GPHN: variants seen among roughly 807,000 people sequenced by gnomAD.
GPHN encodes the protein gephyrin.
GPHN carries 17 observed loss-of-function variants against 95.5 expected under a neutral mutation model. The observed-to-expected ratio is 0.18, with a 90% CI of 0.12 to 0.27. The LOEUF (loss-of-function observed/expected upper bound fraction) is 0.27, where lower values mean the gene tolerates loss of function less well. Among genes scored for constraint, GPHN ranks in the 10% least tolerant of loss-of-function variants. GPHN has a pLI of 1.00. For missense variants in GPHN, 660 were observed against 978.1 expected (o/e 0.67, Z 4.34); for synonymous variants, 320 against 322.5 (o/e 0.99, Z 0.08).
At chr14:66,658,179 ATAGAAT>A (rs1259557571) in intron 1 of GPHN, among the ~76,000 whole-genome samples, 3 of 152,148 alleles carry the variant, frequency 2.0e-5, no homozygotes, top group African/African-American at 7.2e-5. Flanking sequence ...AGCAAGAGAA[ATAGAAT>A]TAGAAGGAGA....
At chr14:67,443,188 T>C in the GPHN span, among the ~76,000 whole-genome samples, 7 of 151,840 alleles carry the variant, frequency 4.6e-5, no homozygotes, top group African/African-American at 1.5e-4. Context: ...GCCACTGCAC[T>C]CCAGCCTGGG....
chr14:67,715,604 T>C, the GPHN span, among the ~76,000 whole-genome samples: 147,750 of 152,292 alleles, frequency 0.97, 71,804 homozygotes, highest in South Asian at 1. Flanking sequence ...AATCCCTTAG[T>C]TTCATTTCTA....
chr14:66,865,048 G>A (rs1435330370), intron 4 of GPHN, among the ~76,000 whole-genome samples: 3 of 152,072 alleles, frequency 2.0e-5, no homozygotes, highest in Non-Finnish European at 2.9e-5. Context: ...TCATTTGTGT[G>A]AGCTAAAAAT....
At chr14:66,606,373 C>G (rs549228779) in intron 1 of GPHN, among the ~76,000 whole-genome samples, 1 of 152,118 alleles carries the variant, frequency 6.6e-6, no homozygotes, top group African/African-American at 2.4e-5. Context: ...GTACCAGTCC[C>G]GTGCTATTTT....
chr14:66,964,326 A>G (rs890600690), intron 8 of GPHN, among the ~76,000 whole-genome samples: 1 of 151,494 alleles, frequency 6.6e-6, no homozygotes, highest in African/African-American at 2.5e-5. Context: ...CCAGTGAAGC[A>G]GATTCTATTG....
chr14:67,577,548 C>T, the GPHN span: 3 of 633,920 alleles, frequency 4.7e-6, no homozygotes, highest in Non-Finnish European at 8.4e-6. Flanking sequence ...GTCCCTATCA[C>T]TTCCTGGATG....
the GPHN span, among the ~76,000 whole-genome samples, chr14:67,367,715 A>G: frequency 6.7e-6 from 1 of 150,028 alleles, no homozygotes; most frequent in Non-Finnish European, 1.5e-5. Flanking sequence ...TGCACCCTGT[A>G]GTCCCAGCTT....
intron 5 of GPHN, among the ~76,000 whole-genome samples, chr14:66,896,571 C>T (rs1197587812): frequency 6.6e-6 from 1 of 152,064 alleles, no homozygotes; most frequent in Non-Finnish European, 1.5e-5. Context: ...ATGGTTGTGC[C>T]ACTGCACTCG....
intron 10 of GPHN, among the ~76,000 whole-genome samples, chr14:67,038,108 A>G (rs1413615529): frequency 1.3e-5 from 2 of 152,078 alleles, no homozygotes; most frequent in African/African-American, 2.4e-5. Context: ...TATACAATGA[A>G]ATATTATTGA....
chr14:66,785,430 C>A (rs8016578), intron 3 of GPHN, among the ~76,000 whole-genome samples: 1,651 of 151,842 alleles, frequency 0.011, 24 homozygotes, highest in African/African-American at 0.037. Flanking sequence ...TAATATCAGA[C>A]CAAGTAGACT....
intron 3 of GPHN, among the ~76,000 whole-genome samples, chr14:66,791,222 A>C (rs1485550362): frequency 6.6e-6 from 1 of 152,144 alleles, no homozygotes; most frequent in East Asian, 1.9e-4. Context: ...AAGTCGGCCA[A>C]TCAGTGCTGC....
At chr14:67,530,711 G>C in the GPHN span, among the ~76,000 whole-genome samples, 1 of 152,202 alleles carries the variant, frequency 6.6e-6, no homozygotes, top group Non-Finnish European at 1.5e-5. Flanking sequence ...AAAACATGGA[G>C]TTGGCCAGGA....
intron 6 of GPHN, among the ~76,000 whole-genome samples, chr14:66,921,743 G>A (rs930677558): frequency 3.9e-5 from 6 of 152,076 alleles, no homozygotes; most frequent in African/African-American, 9.6e-5. Flanking sequence ...AAAAGAGCCC[G>A]CATAGCCAAA....
chr14:67,152,842 G>T (rs774809422), intron 18 of GPHN, among the ~76,000 whole-genome samples: 3 of 152,020 alleles, frequency 2.0e-5, no homozygotes, highest in Admixed American at 6.6e-5. Context: ...GTGCATGCCT[G>T]TCATGCCAGC....
intron 11 of GPHN, chr14:67,059,150 G>C (rs1254978199): frequency 7.0e-6 from 2 of 284,742 alleles, no homozygotes; most frequent in African/African-American, 4.4e-5. Context: ...TGTCCTTTCT[G>C]TCAGAAATGG....
chr14:67,292,548 A>G, the GPHN span: 22 of 1,613,186 alleles, frequency 1.4e-5, no homozygotes, highest in African/African-American at 2.7e-5. Flanking sequence ...AACATATCCA[A>G]CATACTTTGG....
chr14:67,615,962 A>G, the GPHN span: 1 of 390,068 alleles, frequency 2.6e-6, no homozygotes, highest in African/African-American at 2.1e-5. Flanking sequence ...ATACTGCTAC[A>G]TATTGAGCTA....
At chr14:66,811,463 G>T (rs2060758808) in intron 3 of GPHN, among the ~76,000 whole-genome samples, 1 of 148,196 alleles carries the variant, frequency 6.7e-6, no homozygotes. Context: ...ATACTTTTTT[G>T]TTGATTGAAT....
chr14:66,722,433 C>CTTTGTTTG lies in GPHN; in HGVS notation c.143+41256_143+41263dup, dbSNP rs113721874. ...GGCATGTGTTCTATTAATACTAAGG[C>CTTTGTTTG]TTTGTTTGTTTGTTTTTTGTTTTTA... On this transcript the variant is annotated intron_variant, in intron 2 of 22. Coordinates refer to ENST00000478722, the MANE Select transcript of GPHN (RefSeq NM_020806.5). Among the ~76,000 whole-genome samples the CTTTGTTTG allele has an allele frequency of 2.8e-4, 42 of 151,554 alleles. 1 individual carries two copies. The East Asian group carries it at 7.8e-3, about 28-fold the overall frequency.
Sources: allele counts gnomAD v4.1 joint callset (sites outside exome capture counted in the v4.1 genomes callset), GRCh38; gene constraint gnomAD v4.1.1; transcripts MANE v1.5; gene names NCBI Gene and HGNC (gene_info 2026-07-23, HGNC 2026-07-21).